BBX: variants seen among roughly 807,000 people sequenced by gnomAD.
The protein encoded by BBX is BBX high mobility group box domain containing, also known as HMG box transcription factor BBX.
A neutral mutation model predicts 100.2 loss-of-function variants in BBX; 30 were observed. The ratio of observed to expected loss-of-function variants is 0.30; its 90% CI spans 0.22 to 0.41. The LOEUF is 0.41. Among genes scored for constraint, BBX ranks in the 10% least tolerant of loss-of-function variants. BBX has a pLI of 1.00. For missense variants in BBX, 1,023 were observed against 1,129.8 expected (o/e 0.91, Z 1.35); for synonymous variants, 376 against 388.1 (o/e 0.97, Z 0.37).
At chr3:107,738,377 A>G (rs2063808803) in intron 7 of BBX, among the ~76,000 whole-genome samples, 1 of 152,220 alleles carries the variant, frequency 6.6e-6, no homozygotes, top group Non-Finnish European at 1.5e-5. Flanking sequence ...AGGTCTACCC[A>G]CTTGCCTGGA....
chr3:107,769,616 C>T (rs182522292), intron 10 of BBX, among the ~76,000 whole-genome samples: 1 of 152,092 alleles, frequency 6.6e-6, no homozygotes, highest in East Asian at 1.9e-4. Flanking sequence ...AAGAGACTTA[C>T]GGGAACATAA....
At chr3:107,680,239 A>T (rs974901375) in intron 3 of BBX, among the ~76,000 whole-genome samples, 1 of 152,174 alleles carries the variant, frequency 6.6e-6, no homozygotes, top group Admixed American at 6.6e-5. Context: ...ACCAAAGTCG[A>T]AGGATGGCAT....
intron 2 of BBX, among the ~76,000 whole-genome samples, chr3:107,628,296 T>C (rs943032180): frequency 6.6e-6 from 1 of 152,060 alleles, no homozygotes; most frequent in Non-Finnish European, 1.5e-5. Flanking sequence ...AGTAAAGATA[T>C]TGAATTAAAA....
At chr3:107,559,250 G>A (rs1421656738) in intron 2 of BBX, among the ~76,000 whole-genome samples, 1 of 151,942 alleles carries the variant, frequency 6.6e-6, no homozygotes, top group Non-Finnish European at 1.5e-5. Flanking sequence ...ATGAATAGGG[G>A]AAATTTTAGG....
At chr3:107,632,202 C>G (rs1001481914) in intron 2 of BBX, among the ~76,000 whole-genome samples, 1 of 151,972 alleles carries the variant, frequency 6.6e-6, no homozygotes, top group Non-Finnish European at 1.5e-5. Context: ...TCAGCCTACC[C>G]GAGTAGCTGG....
chr3:107,773,034 T>C lies in BBX; in HGVS notation c.1313T>C (p.Ile438Thr), dbSNP rs79840732. The change falls in exon 11 of 18, where the codon ATT becomes ACT. Residue 438 changes from isoleucine (I) to threonine (T), a missense_variant. Around this residue, in one of 9 missense-constraint regions of BBX, gnomAD observed 348 missense variants for 353.2 expected, o/e 0.99. Transcript: ENST00000325805. This position sits in a 1 kb window ranked among gnomAD's most constrained non-coding sequence, Gnocchi z 4.1. ...TGCCATCCTCATGGAATTATGATCA[T>C]TGAGGATCCCGCAGCATTAAACAAG... is the stretch of plus-strand genomic sequence containing the variant. ...HMCHPHGIMI[I>T]EDPAALNKPE... The C allele has an allele frequency of 1.2e-6, 2 of 1,614,022 alleles. No individual in the cohort carries two copies. The highest frequency in any genetic ancestry group is 1.1e-5 in the South Asian group (1 of 91,060).
At chr3:107,737,534 A>G (rs975541347) in intron 7 of BBX, among the ~76,000 whole-genome samples, 4 of 152,168 alleles carry the variant, frequency 2.6e-5, no homozygotes, top group African/African-American at 9.6e-5. Context: ...AGGACTGTAA[A>G]GGTCGTGTTC....
At chr3:107,570,598 T>A (rs1265887593) in intron 2 of BBX, among the ~76,000 whole-genome samples, 1 of 152,028 alleles carries the variant, frequency 6.6e-6, no homozygotes, top group Non-Finnish European at 1.5e-5. Flanking sequence ...TTGGGCAGGT[T>A]GGGGAGGGCT....
At chr3:107,580,891 A>G (rs1050774002) in intron 2 of BBX, among the ~76,000 whole-genome samples, 2 of 152,246 alleles carry the variant, frequency 1.3e-5, no homozygotes, top group South Asian at 2.1e-4. Flanking sequence ...TCGGCCTCCT[A>G]AAGTGCTGGC....
At position 107,747,919 on chromosome 3, in the gene BBX, G is replaced by A. The variant is rs763717333; in HGVS notation, c.751-46G>A. On this transcript the variant is annotated intron_variant, in intron 8 of 17. Transcript: ENST00000325805. The stretch of plus-strand genomic sequence containing the variant: ...ATATGGCAGAATCTTATGATCTGAT[G>A]TGGAAAAATGTCATTGTATATTAAA... The A allele has an allele frequency of 2.7e-6, 4 of 1,498,528 alleles. No individual in the cohort carries two copies. The Middle Eastern group carries it at 5.4e-4, about 203-fold the overall frequency. The allele number at this position is 1,498,528 out of a possible 1,614,324, so 92.8% of individuals were successfully genotyped here. A position where few individuals can be genotyped will look rare whatever the true frequency, so the allele number is the denominator to read the frequency against.
intron 3 of BBX, among the ~76,000 whole-genome samples, chr3:107,661,148 A>AT (rs1454863410): frequency 6.6e-6 from 1 of 152,086 alleles, no homozygotes; most frequent in African/African-American, 2.4e-5. Context: ...TTTTATGCAG[A>AT]TTTTTTTATG....
chr3:107,757,675 A>G (rs2065592355), intron 10 of BBX, among the ~76,000 whole-genome samples: 1 of 152,196 alleles, frequency 6.6e-6, no homozygotes, highest in Admixed American at 6.5e-5. Context: ...CAATGGATTA[A>G]CCAGCATCTC....
intron 2 of BBX, chr3:107,599,488 G>T (rs528517188): frequency 6.6e-6 from 1 of 152,290 alleles, no homozygotes; most frequent in Admixed American, 6.5e-5. Context: ...AAAAGTGGGG[G>T]CAGGCTGAAA....
chr3:107,569,457 AGT>A (rs1180620171), intron 2 of BBX, among the ~76,000 whole-genome samples: 1 of 151,630 alleles, frequency 6.6e-6, no homozygotes, highest in Non-Finnish European at 1.5e-5. Context: ...AGGCGGGCTG[AGT>A]CCGAAAAGAG....
intron 2 of BBX, among the ~76,000 whole-genome samples, chr3:107,643,997 A>G (rs556558732): frequency 2.0e-5 from 3 of 152,150 alleles, no homozygotes; most frequent in Admixed American, 6.5e-5. Context: ...AAAAACCCAT[A>G]TTGGGCAAAG....
chr3:107,791,353 A>G lies in BBX; in HGVS notation c.2353+54A>G, dbSNP rs1424614118. The G allele has an allele frequency of 3.4e-6, 5 of 1,478,742 alleles. No individual in the cohort carries two copies. The Admixed American group carries it at 5.0e-5, about 15-fold the overall frequency. 91.6% of individuals were successfully genotyped at this position (1,478,742 alleles called of 1,614,324 possible). ...GACAATCGGAGCTGGAAATGACATAAGTTGTATAGGTTTTTAAAAGGTATA... is the reference window on the plus strand; with the variant it reads ...GACAATCGGAGCTGGAAATGACATAGGTTGTATAGGTTTTTAAAAGGTATA... On this transcript the variant is annotated intron_variant, in intron 15 of 17. Transcript: ENST00000325805.
At chr3:107,774,949 T>C (rs902425139) in intron 12 of BBX, 92 bp downstream of exon 12, 8 of 1,446,320 alleles carry the variant, frequency 5.5e-6, no homozygotes, top group Non-Finnish European at 7.4e-6. Flanking sequence ...TACGCATGCT[T>C]GTTCTTTGAC....
chr3:107,650,355 T>C (rs2057767920), intron 3 of BBX, among the ~76,000 whole-genome samples: 1 of 151,984 alleles, frequency 6.6e-6, no homozygotes, highest in African/African-American at 2.4e-5. Flanking sequence ...TGCCTGATGA[T>C]CTGAGGTGGA....
At chr3:107,676,412 G>A (rs2059282515) in intron 3 of BBX, among the ~76,000 whole-genome samples, 2 of 152,102 alleles carry the variant, frequency 1.3e-5, no homozygotes, top group African/African-American at 4.8e-5. Context: ...CTGTGTACAT[G>A]TAGGGACATG....
Sources: allele counts gnomAD v4.1 joint callset (sites outside exome capture counted in the v4.1 genomes callset), GRCh38; gene constraint gnomAD v4.1.1; regional missense constraint gnomAD v4.1.1; non-coding constraint Gnocchi (gnomAD v3.1); transcripts MANE v1.5; gene names NCBI Gene and HGNC (gene_info 2026-07-23, HGNC 2026-07-21).